The following CDH23 variants were observed in gnomAD, a reference collection of about 807,000 sequenced individuals.
CDH23 encodes cadherin related 23.
Under a neutral mutation model 317.1 loss-of-function variants are expected in CDH23, and 189 were observed. That is an observed-to-expected ratio of 0.60 (90% CI 0.53 to 0.67). CDH23 has a LOEUF of 0.67. Among genes scored for constraint, CDH23 ranks in the 30% least tolerant of loss-of-function variants. CDH23 has a pLI of 0.00. For synonymous variants in CDH23, 1,839 were observed against 1,876.8 expected (o/e 0.98, Z 0.52); for missense variants, 4,401 against 4,592.4 (o/e 0.96, Z 1.20).
intron 29 of CDH23, 143 bp downstream of exon 29, chr10:71,724,248 A>C (rs1178185388): frequency 1.4e-5 from 11 of 802,350 alleles, no homozygotes. Flanking sequence ...GGGAGGAAAC[A>C]GGGACATTCT....
intron 61 of CDH23, 79 bp from the exon 62 acceptor site, chr10:71,810,393 G>T: frequency 7.8e-7 from 1 of 1,283,490 alleles, no homozygotes; most frequent in East Asian, 2.4e-5. Context: ...AGGGCAGAAG[G>T]GGTTCCTAAA....
intron 38 of CDH23, among the ~76,000 whole-genome samples, chr10:71,766,150 C>T (rs571694995): frequency 1.3e-5 from 2 of 152,210 alleles, no homozygotes; most frequent in African/African-American, 2.4e-5. Flanking sequence ...AATTCTTTGG[C>T]GAGAGGATGT....
rs372192964 is a variant in CDH23 at position 71,501,819 on chromosome 10, G to T, written c.146-8263G>T. Among the ~76,000 whole-genome samples, 1,115 of 152,324 alleles carry T rather than the reference G, an allele frequency of 7.3e-3. 20 individuals carry two copies. Among genetic ancestry groups the T allele is most frequent in the Middle Eastern group, 0.031 (9 of 294 alleles). On this transcript the variant is annotated intron_variant, in intron 3 of 69. Transcript: ENST00000224721. ...GGGAGGGCAGGAGCCCCTGGCCCTG[G>T]CAGGGACCCGGCCAGCCAGGAGGAG...
chr10:71,562,961 C>T (rs1857207287), intron 6 of CDH23, among the ~76,000 whole-genome samples: 1 of 152,198 alleles, frequency 6.6e-6, no homozygotes, highest in South Asian at 2.1e-4. Flanking sequence ...TCAGGCCCCA[C>T]CTGATTGGCA....
chr10:71,529,224 A>G (rs953080025), intron 6 of CDH23, among the ~76,000 whole-genome samples: 13 of 152,114 alleles, frequency 8.5e-5, no homozygotes, highest in African/African-American at 2.4e-5. Context: ...CTCCGACCTC[A>G]CTTTGAAGAC....
intron 29 of CDH23, among the ~76,000 whole-genome samples, chr10:71,725,042 T>A (rs1866743258): frequency 6.6e-6 from 1 of 152,142 alleles, no homozygotes; most frequent in Non-Finnish European, 1.5e-5. Flanking sequence ...GGCCTCACAC[T>A]ACCCACATCT....
chr10:71,698,748 C>G (rs1564740604), intron 22 of CDH23, among the ~76,000 whole-genome samples: 1 of 152,216 alleles, frequency 6.6e-6, no homozygotes, highest in African/African-American at 2.4e-5. Context: ...GCTCTGACCC[C>G]TCTCCAAATT....
intron 3 of CDH23, among the ~76,000 whole-genome samples, chr10:71,460,200 T>G (rs1307967829): frequency 2.6e-5 from 4 of 152,050 alleles, no homozygotes; most frequent in African/African-American, 9.7e-5. Context: ...CAGAACAGAG[T>G]GGATGAAGAG....
chr10:71,609,043 A>C (rs1449171105), intron 9 of CDH23, among the ~76,000 whole-genome samples: 1 of 152,176 alleles, frequency 6.6e-6, no homozygotes, highest in East Asian at 1.9e-4. Flanking sequence ...CTGTGGTTCA[A>C]GATGCTGCCA....
intron 14 of CDH23, chr10:71,647,910 T>G (rs1341697295): frequency 6.6e-6 from 1 of 152,182 alleles, no homozygotes; most frequent in Non-Finnish European, 1.5e-5. Context: ...TTTAACTCAT[T>G]GCTTTCTCCT....
rs1851719304 is a variant in CDH23, at chr10:71,475,098, C to T, written c.145+28703C>T. 2.0e-5 allele frequency among the ~76,000 whole-genome samples: 3 copies of T among 152,322 alleles called. No homozygotes were observed. The South Asian group carries it at 6.2e-4, about 32-fold the overall frequency. On this transcript the variant is annotated intron_variant, in intron 3 of 69. Transcript: ENST00000224721. ...AGGCCCTGCAGGGTGCCTTCCAGTT[C>T]TCAGATGGGGACTGAGAGTAGCTGC...
rs547548530 is a variant in CDH23 at position 71,745,394 on chromosome 10, G to T, written c.4845+3473G>T. ...GGGATGGGTTCTGGGAGCCACAGGT[G>T]GTTTAGGCCCGGGGCTGCTTCCAAG... On this transcript the variant is annotated intron_variant, in intron 38 of 69. Coordinates refer to ENST00000224721, the MANE Select transcript of CDH23 (RefSeq NM_022124.6). 5.0e-4 allele frequency among the ~76,000 whole-genome samples: 76 copies of T among 152,292 alleles called. 1 individual carries two copies. Among genetic ancestry groups the T allele is most frequent in the Middle Eastern group, 6.8e-3 (2 of 294 alleles).
At chr10:71,643,922 C>A in intron 12 of CDH23, 56 bp downstream of exon 12, 1 of 765,040 alleles carries the variant, frequency 1.3e-6, no homozygotes, top group Non-Finnish European at 2.4e-6. Flanking sequence ...GTGGTGGGCA[C>A]AGTGGGGAGG....
At chr10:71,535,556 AG>A (rs1189362427) in intron 6 of CDH23, among the ~76,000 whole-genome samples, 1 of 152,226 alleles carries the variant, frequency 6.6e-6, no homozygotes, top group Non-Finnish European at 1.5e-5. Context: ...GTGGGAAGAA[AG>A]CTTCATCCAT....
chr10:71,724,774 T>A (rs1024616126), intron 29 of CDH23, among the ~76,000 whole-genome samples: 1 of 152,168 alleles, frequency 6.6e-6, no homozygotes, highest in African/African-American at 2.4e-5. Flanking sequence ...AACCAATCGC[T>A]ATGGCCAGAG....
chr10:71,423,791 A>C (rs1046841091), intron 1 of CDH23, among the ~76,000 whole-genome samples: 3 of 152,190 alleles, frequency 2.0e-5, no homozygotes, highest in African/African-American at 7.2e-5. Context: ...AGGCCAGTGA[A>C]GGCCAAGTGA....
chr10:71,762,937 T>C (rs9415039), intron 38 of CDH23, among the ~76,000 whole-genome samples: 101,142 of 152,102 alleles, frequency 0.66, 34,030 homozygotes, highest in Middle Eastern at 0.76. Flanking sequence ...AGCATTTAAT[T>C]GGGTTGACCC....
rs747334403 is a variant in CDH23, at chr10:71,732,025, G to T, written c.3754G>T (p.Ala1252Ser). ...GLVNYRILSG[A>S]EGKFEIDEST... is the part of the protein sequence containing the mutation. ...GGTGAACTACCGCATCCTGTCGGGC[G>T]CAGAGGGGAAGTTTGAGATTGACGA... Residue 1252 changes from alanine to serine, a missense_variant, in exon 32 of 70, where the codon GCA becomes TCA. By Grantham distance (99) the Ala-to-Ser change is moderately conservative (BLOSUM62 1). Coordinates refer to ENST00000224721, the MANE Select transcript of CDH23 (RefSeq NM_022124.6). 2 of 1,613,852 alleles carry T rather than the reference G, an allele frequency of 1.2e-6. No individual in the cohort carries two copies. The highest frequency in any genetic ancestry group is 1.7e-6 in the Non-Finnish European group (2 of 1,179,882).
intron 1 of CDH23, among the ~76,000 whole-genome samples, chr10:71,416,670 G>A (rs1482566643): frequency 6.6e-6 from 1 of 151,862 alleles, no homozygotes; most frequent in Non-Finnish European, 1.5e-5. Context: ...TTATACCTTT[G>A]CTTTTTATTT....
Sources: gnomAD v4.1 joint callset for allele counts (sites outside exome capture counted in the v4.1 genomes callset) on GRCh38, gnomAD v4.1.1 for gene constraint, MANE v1.5 for transcripts, NCBI Gene and HGNC (gene_info 2026-07-23, HGNC 2026-07-21) for gene names.